NECTIN3: variants seen among roughly 807,000 people sequenced by gnomAD.
The protein encoded by NECTIN3 is nectin cell adhesion molecule 3, also known as nectin-3.
NECTIN3 carries 8 observed loss-of-function variants against 49.4 expected under a neutral mutation model. That is an observed-to-expected ratio of 0.16 (90% CI 0.10 to 0.29). The LOEUF is 0.29. NECTIN3 is among the 10% of genes least tolerant of loss of function. The probability of loss-of-function intolerance (pLI) is 1.00; values close to 1 mark genes in which losing one functional copy is unlikely to be tolerated. For synonymous variants in NECTIN3, 277 were observed against 241.1 expected, an observed-to-expected ratio of 1.15 and a Z score of -1.38; for missense variants, 581 against 654.6, an observed-to-expected ratio of 0.89 and a Z score of 1.23.
intron 1 of NECTIN3, among the ~76,000 whole-genome samples, chr3:111,090,717 C>G (rs991528136): frequency 1.3e-5 from 2 of 151,178 alleles, no homozygotes; most frequent in Admixed American, 6.6e-5. Context: ...ATCTGGAATT[C>G]TTTTTCTTAC....
At chr3:111,077,217 A>G (rs906018037) in intron 1 of NECTIN3, 6 of 444,878 alleles carry the variant, frequency 1.3e-5, no homozygotes, top group African/African-American at 1.2e-4. Flanking sequence ...TTCTTGCAAG[A>G]CTATTGACTG....
chr3:111,097,837 G>A (rs2032678473), intron 1 of NECTIN3, among the ~76,000 whole-genome samples: 1 of 151,860 alleles, frequency 6.6e-6, no homozygotes, highest in African/African-American at 2.4e-5. Context: ...TCCACTCTCG[G>A]GTGTATCTTT....
chr3:111,083,095 T>A (rs1247519266), intron 1 of NECTIN3, among the ~76,000 whole-genome samples: 1 of 152,200 alleles, frequency 6.6e-6, no homozygotes, highest in African/African-American at 2.4e-5. Flanking sequence ...CTTCACTTGC[T>A]TGCCCACCAC....
chr3:111,100,894 T>C (rs950634889), intron 1 of NECTIN3, among the ~76,000 whole-genome samples: 3 of 152,032 alleles, frequency 2.0e-5, no homozygotes, highest in African/African-American at 7.2e-5. Flanking sequence ...CTCTCTAACT[T>C]TGTAATTTGA....
intron 7 of NECTIN3, among the ~76,000 whole-genome samples, chr3:111,161,408 T>C (rs2035210015): frequency 6.6e-6 from 1 of 152,070 alleles, no homozygotes; most frequent in Non-Finnish European, 1.5e-5. Context: ...CTCATGAATA[T>C]ATTTCACACA....
intron 2 of NECTIN3, among the ~76,000 whole-genome samples, chr3:111,118,151 A>G (rs12489409): frequency 0.98 from 146,636 of 149,836 alleles, 71,832 homozygotes; most frequent in East Asian, 1. Context: ...TATGCTCAGA[A>G]GAACTTTTTT....
At chr3:111,161,276 G>A (rs2107520066) in intron 7 of NECTIN3, among the ~76,000 whole-genome samples, 1 of 152,248 alleles carries the variant, frequency 6.6e-6, no homozygotes, top group South Asian at 2.1e-4. Flanking sequence ...TGTTTCTGGT[G>A]GTTAAATGCT....
chr3:111,117,292 T>G (rs1473203668), intron 2 of NECTIN3, among the ~76,000 whole-genome samples: 1 of 152,062 alleles, frequency 6.6e-6, no homozygotes, highest in East Asian at 1.9e-4. Flanking sequence ...GGCTAAACTG[T>G]GTTGTTTAGA....
At chr3:111,127,868 G>A (rs1183186907) in intron 5 of NECTIN3, among the ~76,000 whole-genome samples, 1 of 152,026 alleles carries the variant, frequency 6.6e-6, no homozygotes, top group Admixed American at 6.6e-5. Flanking sequence ...GTGCCTGGCT[G>A]GAAATCTGAA....
chr3:111,188,519 T>A (rs935452311), upstream of NECTIN3, among the ~76,000 whole-genome samples: 2 of 152,230 alleles, frequency 1.3e-5, no homozygotes, highest in Non-Finnish European at 2.9e-5. Flanking sequence ...GAACTTTCTC[T>A]TCTTGTCCTT....
chr3:111,191,448 T>C (rs959171499), upstream of NECTIN3, among the ~76,000 whole-genome samples: 12 of 152,068 alleles, frequency 7.9e-5, no homozygotes, highest in African/African-American at 2.4e-4. Flanking sequence ...CCATCTCTGC[T>C]CGAGGGTGTT....
At chr3:111,089,955 T>C (rs1034951743) in intron 1 of NECTIN3, among the ~76,000 whole-genome samples, 15 of 152,296 alleles carry the variant, frequency 9.8e-5, no homozygotes, top group African/African-American at 3.6e-4. Flanking sequence ...AAATTTCGAA[T>C]GGTATTTTCC....
intron 1 of NECTIN3, among the ~76,000 whole-genome samples, chr3:111,094,279 C>G (rs960661604): frequency 6.6e-6 from 1 of 151,972 alleles, no homozygotes; most frequent in African/African-American, 2.4e-5. Context: ...TTATACTTCT[C>G]AATATTTCAC....
rs1218289904 is a variant in NECTIN3 at position 111,122,194 on chromosome 3, T to C, written c.873T>C (p.Cys291=). The C allele has an allele frequency of 2.5e-6, 4 of 1,613,504 alleles. No homozygotes were observed. The Admixed American group carries it at 5.0e-5, about 20-fold the overall frequency. Residue 291 remains cysteine, a synonymous_variant, in exon 4 of 6, where the codon TGT becomes TGC. Coordinates refer to ENST00000485303, the MANE Select transcript of NECTIN3 (RefSeq NM_015480.3). ...FVGRKGVNLK[C]NADANPPPFK... is the part of the protein sequence containing the mutation. The stretch of plus-strand genomic sequence containing the variant: ...GAAGAAAAGGTGTTAATCTCAAATG[T>C]AATGCTGATGCAAATCCACCACCCT...
At chr3:111,156,039 A>G (rs925930353) in intron 7 of NECTIN3, among the ~76,000 whole-genome samples, 23 of 152,172 alleles carry the variant, frequency 1.5e-4, no homozygotes, top group African/African-American at 5.1e-4. Flanking sequence ...TCCTTGTGCC[A>G]GTATGTATTT....
chr3:111,136,190 T>C lies in NECTIN3; in HGVS notation c.*1975T>C. On this transcript the variant is annotated 3_prime_UTR_variant, in exon 6 of 6. Transcript: ENST00000485303. ...CTTTTAAAATAATGGTTTGAAATACTGTATGGATCTGAACAGAATAATCAC... is the reference window on the plus strand; with the variant it reads ...CTTTTAAAATAATGGTTTGAAATACCGTATGGATCTGAACAGAATAATCAC... 3.1e-6 allele frequency: 3 copies of C among 969,194 alleles called. No individual in the cohort carries two copies. Among genetic ancestry groups the C allele is most frequent in the Non-Finnish European group, 3.7e-6 (3 of 815,374 alleles). 60.0% of individuals were successfully genotyped at this position (969,194 alleles called of 1,614,324 possible).
At chr3:111,193,476 G>C in intron 1 of NECTIN3, 1 of 1,294,260 alleles carries the variant, frequency 7.7e-7, no homozygotes, top group Non-Finnish European at 1.0e-6. Context: ...TCTCATATAA[G>C]AACAGTCCCA....
chr3:111,096,823 T>C (rs2032612563), intron 1 of NECTIN3, among the ~76,000 whole-genome samples: 1 of 152,060 alleles, frequency 6.6e-6, no homozygotes, highest in Admixed American at 6.5e-5. Context: ...TTTCAGAAGA[T>C]GTATGGAAAG....
At chr3:111,092,879 C>G (rs1416299079) in intron 1 of NECTIN3, among the ~76,000 whole-genome samples, 1 of 152,168 alleles carries the variant, frequency 6.6e-6, no homozygotes, top group Non-Finnish European at 1.5e-5. Context: ...TAGGTTGAAT[C>G]TCTAGATTAG....
Sources: gnomAD v4.1 joint callset for allele counts (sites outside exome capture counted in the v4.1 genomes callset) on GRCh38, gnomAD v4.1.1 for gene constraint, MANE v1.5 for transcripts, NCBI Gene and HGNC (gene_info 2026-07-23, HGNC 2026-07-21) for gene names.